WDR75: variants seen among roughly 807,000 people sequenced by gnomAD.
WDR75 encodes WD repeat-containing protein 75.
A neutral mutation model predicts 106.1 loss-of-function variants in WDR75; 52 were observed. The observed-to-expected ratio is 0.49, with a 90% CI of 0.39 to 0.62. WDR75 has a LOEUF of 0.62. WDR75 is among the 20% of genes least tolerant of loss of function. The probability of loss-of-function intolerance (pLI) is 0.00; values close to 1 mark genes in which losing one functional copy is unlikely to be tolerated. For missense variants in WDR75, 905 were observed against 970.3 expected, an observed-to-expected ratio of 0.93 and a Z score of 0.89; for synonymous variants, 333 against 335.5, an observed-to-expected ratio of 0.99 and a Z score of 0.08.
intron 9 of WDR75, 134 bp from the exon 10 acceptor site, chr2:189,463,557 AAAT>A (rs112645995): frequency 4.9e-4 from 348 of 712,290 alleles, no homozygotes; most frequent in Non-Finnish European, 5.9e-4. Flanking sequence ...GATGAGCTAA[AAAT>A]AATAATAATA....
Position 189,441,513 on chromosome 2 carries a change from C to T in WDR75, c.21C>T (p.Ile7=). The change falls in exon 1 of 21, where the codon ATC becomes ATT. Residue 7 remains isoleucine (I), a synonymous_variant. Transcript: ENST00000314761. ...CAAAGATGGTGGAGGAGGAGAACATCCGCGTGGTTCGTTGTGGCGGCAGCG... is the reference window on the plus strand; with the variant it reads ...CAAAGATGGTGGAGGAGGAGAACATTCGCGTGGTTCGTTGTGGCGGCAGCG... MVEEEN[I]RVVRCGGSEL... 6.4e-7 allele frequency: 1 copy of T among 1,565,946 alleles called. No individual in the cohort carries two copies. Among genetic ancestry groups the T allele is most frequent in the Non-Finnish European group, 8.7e-7 (1 of 1,153,896 alleles).
chr2:189,463,804 T>C (rs373869313), intron 10 of WDR75, 42 bp from the exon 11 acceptor site: 17 of 1,613,034 alleles, frequency 1.1e-5, no homozygotes, highest in Non-Finnish European at 1.4e-5. Context: ...AAAGAGTGCA[T>C]ATTTCTCTTA....
chr2:189,466,648 G>T, intron 13 of WDR75, 66 bp downstream of exon 13: 1 of 1,489,200 alleles, frequency 6.7e-7, no homozygotes, highest in South Asian at 1.3e-5. Context: ...TTTTTCTCAT[G>T]ACTTGTATCC....
At chr2:189,460,528 A>T (rs1686856517) in intron 8 of WDR75, among the ~76,000 whole-genome samples, 1 of 151,018 alleles carries the variant, frequency 6.6e-6, no homozygotes. Flanking sequence ...TTTTTTAGAC[A>T]AGGTCTCACT....
At position 189,467,562 on chromosome 2, in the gene WDR75, A is replaced by C; in HGVS notation, c.1542A>C (p.Ala514=). ...TCTCCGAAGATGGTTCTTTACTAGCAGTTAGTTTTGAGGAAATAGTCACAA... is the reference window on the plus strand; with the variant it reads ...TCTCCGAAGATGGTTCTTTACTAGCCGTTAGTTTTGAGGAAATAGTCACAA... ...CCFSEDGSLL[A]VSFEEIVTIW... is the part of the protein sequence containing the mutation. Residue 514 remains alanine, a synonymous_variant, in exon 14 of 21, where the codon GCA becomes GCC. Transcript: ENST00000314761. 6.2e-7 allele frequency: 1 copy of C among 1,611,784 alleles called. No individual in the cohort carries two copies. Among genetic ancestry groups the C allele is most frequent in the Non-Finnish European group, 8.5e-7 (1 of 1,178,750 alleles).
intron 4 of WDR75, among the ~76,000 whole-genome samples, chr2:189,454,871 G>A (rs372151616): frequency 6.6e-6 from 1 of 152,140 alleles, no homozygotes; most frequent in Non-Finnish European, 1.5e-5. Flanking sequence ...CAAACAAAGA[G>A]TCCACCTTTA....
At chr2:189,447,715 G>A (rs1192473499) in intron 1 of WDR75, among the ~76,000 whole-genome samples, 1 of 152,168 alleles carries the variant, frequency 6.6e-6, no homozygotes, top group Non-Finnish European at 1.5e-5. Flanking sequence ...AATCTCTTCT[G>A]AGTTAATGAA....
chr2:189,462,787 T>A (rs940160034), intron 9 of WDR75, 145 bp downstream of exon 9: 5 of 696,752 alleles, frequency 7.2e-6, no homozygotes, highest in Non-Finnish European at 1.1e-5. Context: ...TACTCCTCTC[T>A]TTTCCACCCC....
rs11395971 is a variant in WDR75, at chr2:189,457,924, C to CTTTTTT, written c.569+557_569+562dup. ...CTTCCCTTTTACCCTGCCAAGATTG[C>CTTTTTT]TTTTTTTTTTTTTTTTTTTGAGATG... On this transcript the variant is annotated intron_variant, in intron 6 of 20. Transcript: ENST00000314761. 1.5e-4 allele frequency among the ~76,000 whole-genome samples: 18 copies of CTTTTTT among 116,348 alleles called. 1 individual carries two copies. The highest frequency in any genetic ancestry group is 2.9e-4 in the South Asian group (1 of 3,498). The allele number at this position is 116,348 out of a possible 152,430, so 76.3% of individuals were successfully genotyped here. A position where few individuals can be genotyped will look rare whatever the true frequency, so the allele number is the denominator to read the frequency against.
chr2:189,465,337 G>T (rs978358908), intron 12 of WDR75, 83 bp downstream of exon 12: 1 of 1,375,904 alleles, frequency 7.3e-7, no homozygotes, highest in Admixed American at 2.5e-5. Flanking sequence ...TCTTTAAGAT[G>T]TTTCATCTTG....
chr2:189,468,362 T>C lies in WDR75; in HGVS notation c.1629-113T>C, dbSNP rs1687047677. Reference sequence around the variant, plus strand: ...CAGGATAATTATAAACAAAAATATATATGTCTATATAAAAATCTGCATTAC... The same window carrying C: ...CAGGATAATTATAAACAAAAATATACATGTCTATATAAAAATCTGCATTAC... On this transcript the variant is annotated intron_variant, in intron 14 of 20. Coordinates refer to ENST00000314761, the MANE Select transcript of WDR75 (RefSeq NM_032168.3). The C allele has an allele frequency of 5.8e-6, 5 of 857,352 alleles. No homozygotes were observed. The South Asian group carries it at 6.7e-5, about 12-fold the overall frequency. 53.1% of individuals were successfully genotyped at this position (857,352 alleles called of 1,614,324 possible).
At chr2:189,472,967 C>T (rs184360213) in intron 18 of WDR75, among the ~76,000 whole-genome samples, 8 of 151,968 alleles carry the variant, frequency 5.3e-5, no homozygotes, top group Admixed American at 5.2e-4. Context: ...GCCTGTAATC[C>T]CACATTTTGG....
chr2:189,451,696 G>A (rs1427626745), intron 3 of WDR75, 109 bp from the exon 4 acceptor site: 4 of 870,704 alleles, frequency 4.6e-6, no homozygotes, highest in African/African-American at 1.7e-5. Flanking sequence ...CTCTCCTTAT[G>A]TTGGGAATAC....
chr2:189,450,794 C>A, intron 2 of WDR75, 109 bp from the exon 3 acceptor site: 1 of 1,525,430 alleles, frequency 6.6e-7, no homozygotes, highest in Non-Finnish European at 8.7e-7. Flanking sequence ...TTAAGGTTAA[C>A]AGTGAATTAA....
chr2:189,466,705 C>A, intron 13 of WDR75, 123 bp downstream of exon 13: 1 of 954,896 alleles, frequency 1.0e-6, no homozygotes, highest in Non-Finnish European at 1.5e-6. Context: ...CAGGATATTG[C>A]TTAATCTTAA....
intron 1 of WDR75, among the ~76,000 whole-genome samples, chr2:189,443,442 G>A (rs1686429323): frequency 6.6e-6 from 1 of 152,108 alleles, no homozygotes; most frequent in Non-Finnish European, 1.5e-5. Context: ...GCAGCCAGTT[G>A]TTGGTTGTTG....
chr2:189,443,876 C>T (rs1356316956), intron 1 of WDR75, among the ~76,000 whole-genome samples: 1 of 152,136 alleles, frequency 6.6e-6, no homozygotes, highest in Non-Finnish European at 1.5e-5. Context: ...CCAGTGCAGG[C>T]ATCCAAGCAA....
At chr2:189,463,796 A>G (rs1360160471) in intron 10 of WDR75, 43 bp downstream of exon 10, 6 of 1,613,480 alleles carry the variant, frequency 3.7e-6, no homozygotes, top group Non-Finnish European at 5.1e-6. Flanking sequence ...AACATTTTAA[A>G]GAGTGCATAT....
intron 17 of WDR75, 28 bp downstream of exon 17, chr2:189,470,273 C>T: frequency 6.3e-7 from 1 of 1,596,946 alleles, no homozygotes; most frequent in Non-Finnish European, 8.5e-7. Flanking sequence ...AAAAGGCGAT[C>T]ACTTTGTACA....
Sources: gnomAD v4.1 joint callset for allele counts (sites outside exome capture counted in the v4.1 genomes callset) on GRCh38, gnomAD v4.1.1 for gene constraint, MANE v1.5 for transcripts, NCBI Gene and HGNC (gene_info 2026-07-23, HGNC 2026-07-21) for gene names.